Variants in ANAPC10 observed in about 807,000 individuals in gnomAD.
ANAPC10 encodes anaphase-promoting complex subunit 10.
ANAPC10 carries 12 observed loss-of-function variants against 22.0 expected under a neutral mutation model. The ratio of observed to expected loss-of-function variants is 0.55; its 90% CI spans 0.35 to 0.88. The LOEUF is 0.88. Among genes scored for constraint, ANAPC10 ranks in the 40% least tolerant of loss-of-function variants. The pLI is 0.01. For missense variants in ANAPC10, 188 were observed against 220.9 expected (o/e 0.85, Z 0.94); for synonymous variants, 65 against 69.5 (o/e 0.94, Z 0.32).
intron 4 of ANAPC10, among the ~76,000 whole-genome samples, chr4:145,037,385 T>C (rs1738741996): frequency 6.6e-6 from 1 of 152,160 alleles, no homozygotes; most frequent in Admixed American, 6.5e-5. Context: ...AATGTTTTAT[T>C]ATGCTGGCAT....
chr4:145,080,982 T>C (rs1173018592), intron 3 of ANAPC10, among the ~76,000 whole-genome samples: 1 of 146,656 alleles, frequency 6.8e-6, no homozygotes, highest in East Asian at 2.0e-4. Context: ...ACTATGTCAA[T>C]AAATTCAGCC....
At chr4:144,997,612 G>C (rs377151283) in intron 4 of ANAPC10, among the ~76,000 whole-genome samples, 2 of 152,284 alleles carry the variant, frequency 1.3e-5, no homozygotes, top group South Asian at 2.1e-4. Context: ...ACCAGTACCA[G>C]ACACTGCAAA....
At chr4:145,030,412 G>A (rs1737383955) in intron 4 of ANAPC10, among the ~76,000 whole-genome samples, 1 of 152,158 alleles carries the variant, frequency 6.6e-6, no homozygotes, top group Non-Finnish European at 1.5e-5. Flanking sequence ...CTTGTACCAA[G>A]GTAACTGCAC....
At chr4:145,033,899 C>T (rs1738020848) in intron 4 of ANAPC10, among the ~76,000 whole-genome samples, 1 of 152,148 alleles carries the variant, frequency 6.6e-6, no homozygotes, top group Non-Finnish European at 1.5e-5. Flanking sequence ...AAGAAAATAT[C>T]TTCATTTTAT....
chr4:144,997,439 T>A (rs1731793779), intron 4 of ANAPC10, among the ~76,000 whole-genome samples: 1 of 152,184 alleles, frequency 6.6e-6, no homozygotes, highest in South Asian at 2.1e-4. Flanking sequence ...TATTCAACAT[T>A]CTTAAAGAAA....
rs145364802 is a variant in ANAPC10, at chr4:145,091,275, G to A, written c.115+4710C>T. On this transcript the variant is annotated intron_variant, in intron 2 of 4. Transcript: ENST00000507656. ...TGCTCTCTTCAAACCAGTGACTGGT[G>A]CAATATTGTGATAGTAATGAGGTAC... 1.4e-3 allele frequency among the ~76,000 whole-genome samples: 206 copies of A among 152,284 alleles called. 1 individual carries two copies. Among genetic ancestry groups the A allele is most frequent in the Non-Finnish European group, 2.1e-3 (143 of 68,018 alleles).
chr4:145,069,894 T>A (rs1368614572), intron 3 of ANAPC10, among the ~76,000 whole-genome samples: 1 of 152,202 alleles, frequency 6.6e-6, no homozygotes, highest in Non-Finnish European at 1.5e-5. Flanking sequence ...ATGACACTCT[T>A]CTCACTATTT....
chr4:145,006,596 A>G (rs998718208), intron 4 of ANAPC10, among the ~76,000 whole-genome samples: 2 of 152,140 alleles, frequency 1.3e-5, no homozygotes, highest in African/African-American at 4.8e-5. Context: ...AGGATGAATC[A>G]TATCAAATTG....
intron 2 of ANAPC10, among the ~76,000 whole-genome samples, chr4:145,093,127 C>T (rs142292903): frequency 6.6e-6 from 1 of 152,316 alleles, no homozygotes; most frequent in African/African-American, 2.4e-5. Context: ...AGGGCAAGAG[C>T]ATGGCAAGAG....
chr4:145,007,681 T>C (rs1053333711), intron 4 of ANAPC10, among the ~76,000 whole-genome samples: 1 of 151,978 alleles, frequency 6.6e-6, no homozygotes, highest in Non-Finnish European at 1.5e-5. Flanking sequence ...TAAAGCAGTG[T>C]GTAGAGGGAA....
chr4:145,018,593 G>A (rs368642867), intron 4 of ANAPC10, among the ~76,000 whole-genome samples: 9 of 151,780 alleles, frequency 5.9e-5, no homozygotes, highest in South Asian at 2.1e-4. Context: ...AGCCGAGATC[G>A]TGCCATTGCA....
At chr4:145,042,811 T>G (rs930515314) in intron 4 of ANAPC10, among the ~76,000 whole-genome samples, 1 of 151,736 alleles carries the variant, frequency 6.6e-6, no homozygotes, top group African/African-American at 2.4e-5. Context: ...CGGTTTTCTG[T>G]TTTTTTTGGA....
At chr4:145,087,890 T>C (rs566051629) in intron 2 of ANAPC10, among the ~76,000 whole-genome samples, 325 of 151,750 alleles carry the variant, frequency 2.1e-3, no homozygotes, top group African/African-American at 7.3e-3. Flanking sequence ...AAACTAAAAA[T>C]AAAAAAAATT....
chr4:145,021,079 A>C (rs1735901568), intron 4 of ANAPC10, among the ~76,000 whole-genome samples: 1 of 152,104 alleles, frequency 6.6e-6, no homozygotes, highest in South Asian at 2.1e-4. Flanking sequence ...TAGAATCAAA[A>C]TTGTGAAAAT....
intron 4 of ANAPC10, among the ~76,000 whole-genome samples, chr4:145,014,367 TCTC>T (rs974692234): frequency 6.6e-6 from 1 of 151,572 alleles, no homozygotes; most frequent in African/African-American, 2.4e-5. Context: ...CAGCCATAAT[TCTC>T]CTAAGTACAC....
chr4:145,091,919 G>C (rs772623363), intron 2 of ANAPC10, among the ~76,000 whole-genome samples: 22 of 152,138 alleles, frequency 1.4e-4, no homozygotes, highest in Non-Finnish European at 2.6e-4. Context: ...CAGATACAAG[G>C]CTATCTTGAA....
chr4:145,010,260 T>G (rs943531853), intron 4 of ANAPC10, among the ~76,000 whole-genome samples: 2 of 152,172 alleles, frequency 1.3e-5, no homozygotes, highest in African/African-American at 2.4e-5. Context: ...TGGAAGACAG[T>G]GTGGCAATTC....
chr4:145,006,653 A>G (rs1733418887), intron 4 of ANAPC10, among the ~76,000 whole-genome samples: 1 of 152,148 alleles, frequency 6.6e-6, no homozygotes, highest in Non-Finnish European at 1.5e-5. Flanking sequence ...TTATTTCTGT[A>G]TAATTGTTAT....
chr4:145,021,803 T>C (rs968625847), intron 4 of ANAPC10, among the ~76,000 whole-genome samples: 2 of 151,952 alleles, frequency 1.3e-5, no homozygotes, highest in Non-Finnish European at 2.9e-5. Context: ...GAATCTACAA[T>C]GAACTCAATC....
Sources: gnomAD v4.1 joint callset for allele counts (sites outside exome capture counted in the v4.1 genomes callset) on GRCh38, gnomAD v4.1.1 for gene constraint, MANE v1.5 for transcripts, NCBI Gene and HGNC (gene_info 2026-07-23, HGNC 2026-07-21) for gene names.